WNK2: variants seen among roughly 807,000 people sequenced by gnomAD.
WNK2 encodes serine/threonine-protein kinase WNK2.
A neutral mutation model predicts 192.1 loss-of-function variants in WNK2; 67 were observed. That is an observed-to-expected ratio of 0.35 (90% CI 0.29 to 0.43). The LOEUF (loss-of-function observed/expected upper bound fraction) is 0.43, where lower values mean the gene tolerates loss of function less well. WNK2 is among the 20% of genes least tolerant of loss of function. The probability of loss-of-function intolerance (pLI) is 1.00; values close to 1 mark genes in which losing one functional copy is unlikely to be tolerated. For missense variants in WNK2, 2,698 were observed against 3,089.7 expected (o/e 0.87, Z 3.01); for synonymous variants, 1,439 against 1,393.9 (o/e 1.03, Z -0.72).
rs1052556994 is a variant in WNK2 at position 93,256,320 on chromosome 9, G to C, written c.2056G>C (p.Val686Leu). 28 of 1,578,452 alleles carry C rather than the reference G, an allele frequency of 1.8e-5. No individual in the cohort carries two copies. Among genetic ancestry groups the C allele is most frequent in the Non-Finnish European group, 2.3e-5 (27 of 1,169,286 alleles). Reference protein sequence around the residue: ...TAAPGLPVGSVPAPACPPSLQ... With the variant: ...TAAPGLPVGSLPAPACPPSLQ... Reference sequence around the variant, plus strand: ...GCAGCCTGGCTTGCCGGTGGGCTCTGTCCCGGCCCCCGCCTGCCCTCCGTC... The same window carrying C: ...GCAGCCTGGCTTGCCGGTGGGCTCTCTCCCGGCCCCCGCCTGCCCTCCGTC... Residue 686 changes from valine (V) to leucine (L), a missense_variant, in exon 10 of 30, where the codon GTC (valine) becomes CTC (leucine). Around this residue, in one of 7 missense-constraint regions of WNK2, gnomAD observed 893 missense variants for 909.0 expected, o/e 0.98. Transcript: ENST00000427277.
chr9:93,289,108 G>A lies in WNK2; in HGVS notation c.4354G>A (p.Gly1452Ser). The A allele has an allele frequency of 6.2e-7, 1 of 1,605,776 alleles. No homozygotes were observed. The highest frequency in any genetic ancestry group is 8.5e-7 in the Non-Finnish European group (1 of 1,175,690). The stretch of plus-strand genomic sequence containing the variant: ...GCTTGCTGTGCAGCCCCTCGTGGTG[G>A]GCCTAGCACCTTGCACTCCAGCTCC... The part of the protein sequence containing the change: ...APLAVQPLVV[G>S]LAPCTPAPEA... The change falls in exon 20 of 30, where the codon GGC becomes AGC. Residue 1452 changes from glycine (G) to serine (S), a missense_variant. Transcript: ENST00000427277.
At chr9:93,280,997 G>A (rs754061938) in intron 19 of WNK2, among the ~76,000 whole-genome samples, 2 of 152,170 alleles carry the variant, frequency 1.3e-5, no homozygotes, top group Non-Finnish European at 2.9e-5. Context: ...CATGTGACTG[G>A]ACATATATAA....
intron 7 of WNK2, among the ~76,000 whole-genome samples, chr9:93,243,021 C>T (rs1372142018): frequency 6.6e-6 from 1 of 152,150 alleles, no homozygotes; most frequent in Non-Finnish European, 1.5e-5. Context: ...AGTGCTACAG[C>T]GACGGCTGAG....
At chr9:93,228,156 C>T (rs1004781746) in intron 2 of WNK2, among the ~76,000 whole-genome samples, 1 of 152,196 alleles carries the variant, frequency 6.6e-6, no homozygotes, top group Non-Finnish European at 1.5e-5. Context: ...GTGATAGTCA[C>T]TGCACAGTCC....
rs758936338 is a variant in WNK2 at position 93,238,333 on chromosome 9, T to G, written c.1322+12T>G. On this transcript the variant is annotated intron_variant, in intron 6 of 29. Coordinates refer to ENST00000427277, the MANE Select transcript of WNK2 (RefSeq NM_006648.4). ...AACAAGGAGGAAAGGTGAGTTCCCC[T>G]GAAGGGCTGGGTTCTGGGGTCCATC... The G allele has an allele frequency of 6.2e-7, 1 of 1,610,460 alleles. No individual in the cohort carries two copies. Among genetic ancestry groups the G allele is most frequent in the South Asian group, 1.1e-5 (1 of 90,980 alleles).
intron 2 of WNK2, among the ~76,000 whole-genome samples, chr9:93,221,063 G>T (rs1017384583): frequency 2.0e-5 from 3 of 152,218 alleles, no homozygotes; most frequent in Non-Finnish European, 4.4e-5. Context: ...CTGGGGTGGG[G>T]AGGGCTCCTG....
chr9:93,217,057 CA>C (rs1426895366), intron 2 of WNK2, among the ~76,000 whole-genome samples: 2 of 151,690 alleles, frequency 1.3e-5, no homozygotes, highest in Non-Finnish European at 2.9e-5. Context: ...CTCCCAGGTT[CA>C]AGCGATTGTC....
intron 8 of WNK2, 60 bp from the exon 9 acceptor site, chr9:93,252,823 A>T: frequency 1.5e-6 from 2 of 1,318,660 alleles, no homozygotes; most frequent in Non-Finnish European, 2.0e-6. Flanking sequence ...AGATGAGCCA[A>T]TGTTTGTTCA....
intron 21 of WNK2, among the ~76,000 whole-genome samples, chr9:93,291,661 A>G (rs1164194028): frequency 6.6e-6 from 1 of 152,168 alleles, no homozygotes; most frequent in African/African-American, 2.4e-5. Flanking sequence ...CAACCTCCCC[A>G]GAGGCTCCAT....
chr9:93,258,993 G>T lies in WNK2; in HGVS notation c.2445G>T (p.Pro815=), dbSNP rs749123748. 1 of 1,612,334 alleles carries T rather than the reference G, an allele frequency of 6.2e-7. No individual in the cohort carries two copies. The highest frequency in any genetic ancestry group is 8.5e-7 in the Non-Finnish European group (1 of 1,179,622). The change falls in exon 12 of 30, where the codon CCG becomes CCT. Residue 815 remains proline (P), a synonymous_variant. Transcript: ENST00000427277. ...TPLAGIDGLP[P]ALPDLPTATV... is the part of the protein sequence containing the mutation. ...TGGCGGGAATCGACGGCCTCCCTCC[G>T]GCCCTCCCAGACCTGCCGACCGCGA...
intron 2 of WNK2, among the ~76,000 whole-genome samples, chr9:93,218,924 G>T (rs1049390287): frequency 2.6e-5 from 4 of 152,238 alleles, no homozygotes; most frequent in Non-Finnish European, 2.9e-5. Context: ...GGATGTGACA[G>T]GTTGGCTCTC....
At position 93,268,369 on chromosome 9, in the gene WNK2, G is replaced by A. The variant is rs148490019; in HGVS notation, c.3914-258G>A. ...CTGTGCACCCCTTGCCCTCTGGTGTGAGGGAAGAGCAGGCAGAAGCCCATC... is the reference window on the plus strand; with the variant it reads ...CTGTGCACCCCTTGCCCTCTGGTGTAAGGGAAGAGCAGGCAGAAGCCCATC... On this transcript the variant is annotated intron_variant, in intron 18 of 29. Transcript: ENST00000427277. Among the ~76,000 whole-genome samples, 146 of 152,334 alleles carry A rather than the reference G, an allele frequency of 9.6e-4. 1 individual carries two copies. The highest frequency in any genetic ancestry group is 3.4e-3 in the Middle Eastern group (1 of 294).
At chr9:93,266,751 A>C (rs1845234088) in intron 16 of WNK2, among the ~76,000 whole-genome samples, 1 of 152,182 alleles carries the variant, frequency 6.6e-6, no homozygotes, top group South Asian at 2.1e-4. Context: ...TGTGGAGCGC[A>C]GAGGAGCTCT....
chr9:93,189,737 C>A (rs1829987469), intron 2 of WNK2, among the ~76,000 whole-genome samples: 1 of 152,266 alleles, frequency 6.6e-6, no homozygotes, highest in African/African-American at 2.4e-5. Flanking sequence ...CAGGTGGGAT[C>A]CTTATCACCT....
rs756654439 is a variant in WNK2, at chr9:93,268,042, A to G, written c.3890A>G (p.Asn1297Ser). Reference sequence around the variant, plus strand: ...CAGGAGAGCCGACAATCCCAAGCCAACGCCCCCGTGTATCAGCAGAACGGT... The same window carrying G: ...CAGGAGAGCCGACAATCCCAAGCCAGCGCCCCCGTGTATCAGCAGAACGGT... ...TGEESRQSQA[N>S]APVYQQNVLH... Residue 1297 changes from asparagine to serine, a missense_variant, in exon 18 of 30, where the codon AAC becomes AGC. Physicochemically the swap from Asn to Ser is conservative, Grantham distance 46. Coordinates refer to ENST00000427277, the MANE Select transcript of WNK2 (RefSeq NM_006648.4). The G allele has an allele frequency of 7.4e-6, 12 of 1,612,042 alleles. No individual in the cohort carries two copies. Among genetic ancestry groups the G allele is most frequent in the East Asian group, 2.2e-5 (1 of 44,802 alleles).
At chr9:93,287,568 G>A (rs144680874) in intron 19 of WNK2, among the ~76,000 whole-genome samples, 164 of 152,236 alleles carry the variant, frequency 1.1e-3, no homozygotes, top group African/African-American at 3.7e-3. Flanking sequence ...TTAGACAGAC[G>A]AACGGTAAGG....
At chr9:93,300,346 C>T in intron 26 of WNK2, 197 bp downstream of exon 26, 1 of 542,412 alleles carries the variant, frequency 1.8e-6, no homozygotes, top group South Asian at 2.2e-5. Flanking sequence ...ACCCCCAAGC[C>T]CCACACAGCG....
chr9:93,308,135 C>A, intron 27 of WNK2, 193 bp from the exon 28 acceptor site: 2 of 1,181,854 alleles, frequency 1.7e-6, no homozygotes, highest in Non-Finnish European at 1.1e-6. Context: ...TGGCACAGCC[C>A]ATGGAAATGC....
intron 2 of WNK2, among the ~76,000 whole-genome samples, chr9:93,223,834 C>G (rs966007048): frequency 6.6e-6 from 1 of 152,214 alleles, no homozygotes; most frequent in Non-Finnish European, 1.5e-5. Context: ...GGGACACCCT[C>G]CCGGGGGTGG....
Sources: gnomAD v4.1 joint callset for allele counts (sites outside exome capture counted in the v4.1 genomes callset) on GRCh38, gnomAD v4.1.1 for gene constraint, gnomAD v4.1.1 regional missense constraint, MANE v1.5 for transcripts, NCBI Gene and HGNC (gene_info 2026-07-23, HGNC 2026-07-21) for gene names.